CLIP4: variants seen among roughly 807,000 people sequenced by gnomAD.
The protein encoded by CLIP4 is CAP-Gly domain containing linker protein family member 4.
In CLIP4, 47 loss-of-function variants were observed where a neutral mutation model predicts 73.1. The observed-to-expected ratio is 0.64, with a 90% CI of 0.51 to 0.82. The LOEUF (loss-of-function observed/expected upper bound fraction) is 0.82, where lower values mean the gene tolerates loss of function less well. Ranked by LOEUF, CLIP4 falls within the 40% of genes least tolerant of loss-of-function variation. The pLI is 0.00. For missense variants in CLIP4, 874 were observed against 852.9 expected (o/e 1.02, Z -0.31); for synonymous variants, 306 against 295.4 (o/e 1.04, Z -0.37).
At chr2:29,122,090 G>A (rs570996181) in intron 2 of CLIP4, among the ~76,000 whole-genome samples, 2 of 152,242 alleles carry the variant, frequency 1.3e-5, no homozygotes, top group South Asian at 4.1e-4. Flanking sequence ...CAAGTAAAAT[G>A]TTGGTTCACC....
Position 29,133,786 on chromosome 2 carries a change from A to G in CLIP4, c.499A>G (p.Arg167Gly), listed in dbSNP as rs373781701. 1.2e-6 allele frequency: 2 copies of G among 1,607,984 alleles called. No homozygotes were observed. The highest frequency in any genetic ancestry group is 1.7e-6 in the Non-Finnish European group (2 of 1,178,414). ...TTATTTTGATGTCCCTGAACTTATA[A>G]GAGTGATTTTGAAAACATCGAAACC... ...AAYFDVPELIRVILKTSKPKD... is the reference protein window; with the variant it reads ...AAYFDVPELIGVILKTSKPKD... Residue 167 changes from arginine to glycine, a missense_variant, in exon 5 of 16, where the codon AGA (arginine) becomes GGA (glycine). Physicochemically the swap from Arg to Gly is moderately radical, Grantham distance 125. Coordinates refer to ENST00000320081, the MANE Select transcript of CLIP4 (RefSeq NM_024692.6).
At chr2:29,101,234 G>C (rs1668034142) in intron 1 of CLIP4, among the ~76,000 whole-genome samples, 1 of 148,858 alleles carries the variant, frequency 6.7e-6, no homozygotes, top group African/African-American at 2.5e-5. Flanking sequence ...AGGTTGCAGT[G>C]AGCCGAGATT....
chr2:29,115,885 G>A lies in CLIP4; in HGVS notation c.-16+220G>A, dbSNP rs1663775508. Among the ~76,000 whole-genome samples the A allele has an allele frequency of 6.6e-6, 1 of 152,014 alleles. No homozygotes were observed. Among genetic ancestry groups the A allele is most frequent in the African/African-American group, 2.4e-5 (1 of 41,440 alleles). On this transcript the variant is annotated intron_variant, in intron 1 of 15. Transcript: ENST00000320081. This position sits in a 1 kb window ranked among gnomAD's most constrained non-coding sequence, Gnocchi z 5.1. ...TCGGGGCGGAGCGGCCCACCCGGCG[G>A]GGATGGGGACTCCTCGTGGCGGCCG...
chr2:29,156,310 A>C, intron 9 of CLIP4, 44 bp from the exon 10 acceptor site: 1 of 1,302,342 alleles, frequency 7.7e-7, no homozygotes, highest in East Asian at 2.4e-5. Flanking sequence ...TTTTATGTTT[A>C]ATGTTAAAAT....
chr2:29,149,501 A>G (rs1437726672), intron 8 of CLIP4, among the ~76,000 whole-genome samples: 8 of 148,434 alleles, frequency 5.4e-5, no homozygotes, highest in South Asian at 2.1e-4. Context: ...AGTTAAACCT[A>G]TATTCAGTGG....
chr2:29,134,996 A>C lies in CLIP4; in HGVS notation c.530-552A>C, dbSNP rs1665245770. Among the ~76,000 whole-genome samples, 4 of 152,232 alleles carry C rather than the reference A, an allele frequency of 2.6e-5. No individual in the cohort carries two copies. In the South Asian group the frequency reaches 8.3e-4, roughly 32 times the overall value. On this transcript the variant is annotated intron_variant, in intron 5 of 15. Transcript: ENST00000320081. ...TTTTTCTGTAAAGGGCCAGCTACTA[A>C]ATACTTTAGACTTTTTGGACCATAT...
chr2:29,124,734 G>A (rs1664488042), intron 2 of CLIP4, among the ~76,000 whole-genome samples: 1 of 151,944 alleles, frequency 6.6e-6, no homozygotes, highest in African/African-American at 2.4e-5. Flanking sequence ...TTTTTCCAGT[G>A]CAGTTTTCAT....
rs1032765226 is a variant in CLIP4, at chr2:29,143,749, C to T, written c.689C>T (p.Pro230Leu). 1 of 1,613,836 alleles carries T rather than the reference C, an allele frequency of 6.2e-7. No individual in the cohort carries two copies. ...ATCCCTGCTGATGTTGTTCCAGACC[C>T]AGTAGATATGCCGTTAGAGATGGCT... is the stretch of plus-strand genomic sequence containing the variant. Reference protein sequence around the residue: ...GQIPADVVPDPVDMPLEMADA... With the variant: ...GQIPADVVPDLVDMPLEMADA... Residue 230 changes from proline to leucine, a missense_variant, in exon 7 of 16, where the codon CCA (proline) becomes CTA (leucine). Pro to Leu is a moderately conservative substitution (Grantham distance 98). Transcript: ENST00000320081.
At chr2:29,162,044 C>T (rs187093370) in intron 12 of CLIP4, among the ~76,000 whole-genome samples, 114 of 152,248 alleles carry the variant, frequency 7.5e-4, no homozygotes, top group Non-Finnish European at 1.5e-3. Flanking sequence ...TTAGGATATA[C>T]TTAATATAGG....
In CLIP4 at chr2:29,183,674, G is replaced by T. The variant is rs1668746882; in HGVS notation, c.*1781G>T. The T allele has an allele frequency of 6.6e-6, 1 of 152,580 alleles. No individual in the cohort carries two copies. 9.5% of individuals were successfully genotyped at this position (152,580 alleles called of 1,614,324 possible). On this transcript the variant is annotated 3_prime_UTR_variant, in exon 16 of 16. Transcript: ENST00000320081. ...TCTTTATATTTAGATGAGGATGATT[G>T]AGTCCATATACTATGTATGTTTACA...
chr2:29,107,358 G>GTTTTGTTTTTTTT (rs1668239932), intron 1 of CLIP4, among the ~76,000 whole-genome samples: 1 of 65,352 alleles, frequency 1.5e-5, no homozygotes. Flanking sequence ...GAACATGATA[G>GTTTTGTTTTTTTT]TTTTTTTTTT....
At chr2:29,121,259 A>T in intron 1 of CLIP4, 115 bp from the exon 2 acceptor site, 1 of 1,038,122 alleles carries the variant, frequency 9.6e-7, no homozygotes, top group Non-Finnish European at 1.4e-6. Context: ...AAAGATCCTT[A>T]CTGAAAATGT....
intron 2 of CLIP4, chr2:29,130,165 C>T: frequency 9.2e-6 from 4 of 435,674 alleles, no homozygotes; most frequent in South Asian, 5.0e-5. Flanking sequence ...GCAGCCAGTG[C>T]TGCGGCCCTG....
chr2:29,150,371 G>C (rs1666473912), intron 8 of CLIP4, among the ~76,000 whole-genome samples: 2 of 152,170 alleles, frequency 1.3e-5, no homozygotes, highest in East Asian at 1.9e-4. Flanking sequence ...GTGTCCTTCA[G>C]TGACTGTTTC....
At position 29,181,693 on chromosome 2, in the gene CLIP4, G is replaced by C; in HGVS notation, c.1918G>C (p.Val640Leu). ...CACGAGCTCCAATGAGATGGGTACT[G>C]TTAGGTATGTGGGCCCCACTGACTT... ...LLTSSNEMGT[V>L]RYVGPTDFAS... The change falls in exon 16 of 16, where the codon GTT (valine) becomes CTT (leucine). Residue 640 changes from valine (V) to leucine (L), a missense_variant. Transcript: ENST00000320081. The C allele has an allele frequency of 6.2e-7, 1 of 1,614,178 alleles. No individual in the cohort carries two copies.
chr2:29,121,052 C>T (rs1273827619), intron 1 of CLIP4, among the ~76,000 whole-genome samples: 1 of 152,046 alleles, frequency 6.6e-6, no homozygotes, highest in Non-Finnish European at 1.5e-5. Context: ...GTTAATACGC[C>T]CTTGTTTGTT....
At position 29,121,511 on chromosome 2, in the gene CLIP4, T is replaced by G; in HGVS notation, c.123T>G (p.Pro41=). Residue 41 remains proline (P), a synonymous_variant, in exon 2 of 16, where the codon CCT becomes CCG. Coordinates refer to ENST00000320081, the MANE Select transcript of CLIP4 (RefSeq NM_024692.6). Reference sequence around the variant, plus strand: ...TTTCCATTTCTGCAGCACCAATGCCTTCAGACTGTGGTATGTGAAGTAGCT... The same window carrying G: ...TTTCCATTTCTGCAGCACCAATGCCGTCAGACTGTGGTATGTGAAGTAGCT... The part of the protein sequence containing the change: ...VIFSISAAPM[P]SDCEFSFFDP... 1 of 1,613,490 alleles carries G rather than the reference T, an allele frequency of 6.2e-7. No homozygotes were observed. The highest frequency in any genetic ancestry group is 8.5e-7 in the Non-Finnish European group (1 of 1,179,782).
rs112805995 is a variant in CLIP4, at chr2:29,156,324, T to A, written c.1166-30T>A. On this transcript the variant is annotated intron_variant, in intron 9 of 15. Transcript: ENST00000320081. Reference sequence around the variant, plus strand: ...ATTTTATGTTTAATGTTAAAATTCTTGCTTAAAGTGTTTTATTTTTGTGTC... The same window carrying A: ...ATTTTATGTTTAATGTTAAAATTCTAGCTTAAAGTGTTTTATTTTTGTGTC... 3 of 1,441,316 alleles carry A rather than the reference T, an allele frequency of 2.1e-6. No individual in the cohort carries two copies. In the African/African-American group the frequency reaches 4.3e-5, roughly 21 times the overall value. The allele number at this position is 1,441,316 out of a possible 1,614,324, so 89.3% of individuals were successfully genotyped here. A position where few individuals can be genotyped will look rare whatever the true frequency, so the allele number is the denominator to read the frequency against.
intron 1 of CLIP4, among the ~76,000 whole-genome samples, chr2:29,119,825 G>A (rs550431131): frequency 6.6e-6 from 1 of 152,234 alleles, no homozygotes; most frequent in East Asian, 1.9e-4. Flanking sequence ...ATTCTTAGAA[G>A]CTCCAACTGC....
Sources: allele counts gnomAD v4.1 joint callset (sites outside exome capture counted in the v4.1 genomes callset), GRCh38; gene constraint gnomAD v4.1.1; non-coding constraint Gnocchi (gnomAD v3.1); transcripts MANE v1.5; gene names NCBI Gene and HGNC (gene_info 2026-07-23, HGNC 2026-07-21).